The following CFAP206 variants were observed in gnomAD, a reference collection of about 807,000 sequenced individuals.
CFAP206 encodes the protein cilia and flagella associated protein 206.
In CFAP206, 53 loss-of-function variants were observed where a neutral mutation model predicts 65.4. That is an observed-to-expected ratio of 0.81 (90% CI 0.65 to 1.02). The LOEUF (loss-of-function observed/expected upper bound fraction) is 1.02, where lower values mean the gene tolerates loss of function less well. Ranked by LOEUF, CFAP206 falls within the 50% of genes least tolerant of loss-of-function variation. The pLI, the probability that CFAP206 is intolerant of heterozygous loss-of-function variation, is 0.00. For synonymous variants in CFAP206, 250 were observed against 254.4 expected (o/e 0.98, Z 0.17); for missense variants, 663 against 753.2 (o/e 0.88, Z 1.40).
chr6:87,445,300 A>C (rs1465287357), intron 11 of CFAP206: 1 of 200,908 alleles, frequency 5.0e-6, no homozygotes, highest in Non-Finnish European at 9.9e-6. Flanking sequence ...GCCCCTATCA[A>C]CCCATCACCT....
chr6:87,439,617 C>T lies in CFAP206; in HGVS notation c.1494+4564C>T, dbSNP rs574226925. ...TCATGTCTTGTTTAAGAAGTTCTTA[C>T]GTATTTTGAGATCACGAAAATATTC... On this transcript the variant is annotated intron_variant, in intron 11 of 12. Transcript: ENST00000369562. 9.2e-4 allele frequency among the ~76,000 whole-genome samples: 139 copies of T among 151,876 alleles called. 1 individual carries two copies. In the South Asian group the frequency reaches 9.8e-3, roughly 11 times the overall value.
intron 11 of CFAP206, chr6:87,445,115 C>A: frequency 2.3e-6 from 1 of 430,296 alleles, no homozygotes; most frequent in Admixed American, 2.7e-5. Flanking sequence ...CAGTGGCAGC[C>A]ACTTTCTTAT....
chr6:87,415,405 G>A (rs915358231), intron 4 of CFAP206, among the ~76,000 whole-genome samples: 1 of 151,006 alleles, frequency 6.6e-6, no homozygotes, highest in African/African-American at 2.4e-5. Flanking sequence ...TAATTGGGAG[G>A]TTTTAGCCTT....
chr6:87,448,994 A>G (rs56329400), intron 11 of CFAP206, among the ~76,000 whole-genome samples: 38,658 of 151,954 alleles, frequency 0.25, 4,993 homozygotes, highest in African/African-American at 0.27. Flanking sequence ...TTGACATACT[A>G]ATTTCCTTTC....
At chr6:87,434,450 T>C (rs1768215872) in intron 10 of CFAP206, among the ~76,000 whole-genome samples, 1 of 150,020 alleles carries the variant, frequency 6.7e-6, no homozygotes, top group African/African-American at 2.4e-5. Context: ...GGATGAGGAA[T>C]GGCTCTATGG....
chr6:87,417,915 T>A (rs533805627), intron 6 of CFAP206, among the ~76,000 whole-genome samples: 2 of 152,010 alleles, frequency 1.3e-5, no homozygotes, highest in South Asian at 4.2e-4. Flanking sequence ...AATTTTTGTG[T>A]TTTTAGTAGA....
intron 12 of CFAP206, among the ~76,000 whole-genome samples, chr6:87,462,679 G>A (rs1054783811): frequency 1.3e-5 from 2 of 152,188 alleles, no homozygotes; most frequent in Non-Finnish European, 2.9e-5. Flanking sequence ...GGATAGGAGA[G>A]ATAGAGGTGA....
At chr6:87,415,947 T>A in intron 5 of CFAP206, 73 bp downstream of exon 5, 1 of 1,160,544 alleles carries the variant, frequency 8.6e-7, no homozygotes, top group Non-Finnish European at 1.1e-6. Flanking sequence ...ACATGTTAAA[T>A]TAGAAGTGTT....
chr6:87,443,247 G>A (rs1014017877), intron 11 of CFAP206, among the ~76,000 whole-genome samples: 3 of 152,058 alleles, frequency 2.0e-5, no homozygotes, highest in Non-Finnish European at 4.4e-5. Flanking sequence ...TTAAACTTAT[G>A]AAGATTTCAC....
At chr6:87,420,097 A>G (rs1322247122) in intron 7 of CFAP206, among the ~76,000 whole-genome samples, 2 of 152,168 alleles carry the variant, frequency 1.3e-5, no homozygotes, top group African/African-American at 4.8e-5. Flanking sequence ...AAATAAATAA[A>G]TAATAATAAA....
intron 11 of CFAP206, among the ~76,000 whole-genome samples, chr6:87,448,611 A>G (rs1768487521): frequency 6.6e-6 from 1 of 151,940 alleles, no homozygotes; most frequent in Admixed American, 6.6e-5. Context: ...TATTCCTCCT[A>G]TCTAACTGTA....
At chr6:87,453,819 GAAGA>G (rs556086344) in intron 11 of CFAP206, among the ~76,000 whole-genome samples, 3 of 151,938 alleles carry the variant, frequency 2.0e-5, no homozygotes, top group South Asian at 2.1e-4. Context: ...AGGAAGGAAG[GAAGA>G]AAGAGAAGAC....
At chr6:87,440,815 G>C (rs556129620) in intron 11 of CFAP206, among the ~76,000 whole-genome samples, 8 of 152,256 alleles carry the variant, frequency 5.3e-5, no homozygotes, top group Non-Finnish European at 1.2e-4. Context: ...GGGAATTTTG[G>C]GTGGTACTTG....
chr6:87,412,017 GA>G (rs1367708868), intron 3 of CFAP206, among the ~76,000 whole-genome samples: 1 of 152,190 alleles, frequency 6.6e-6, no homozygotes, highest in Non-Finnish European at 1.5e-5. Flanking sequence ...CCGTGGAAGA[GA>G]ATCCAGGAGG....
intron 6 of CFAP206, 36 bp downstream of exon 6, chr6:87,416,863 T>C: frequency 6.4e-7 from 1 of 1,560,562 alleles, no homozygotes; most frequent in Non-Finnish European, 8.7e-7. Flanking sequence ...AAAGGTTATG[T>C]ATGTTTAAAA....
chr6:87,440,317 A>G (rs1260937860), intron 11 of CFAP206, among the ~76,000 whole-genome samples: 1 of 152,206 alleles, frequency 6.6e-6, no homozygotes, highest in Non-Finnish European at 1.5e-5. Context: ...TATATTCAGC[A>G]ACCTTAATAA....
rs188118753 is a variant in CFAP206, at chr6:87,417,817, G to A, written c.632-391G>A. The stretch of plus-strand genomic sequence containing the variant: ...GTCGCCCAGATTGGAGTGCAGTGGC[G>A]CGATCTCGGCTTACTGCAACCTCCG... On this transcript the variant is annotated intron_variant, in intron 6 of 12. Transcript: ENST00000369562. Among the ~76,000 whole-genome samples the A allele has an allele frequency of 3.4e-4, 50 of 149,170 alleles. No individual in the cohort carries two copies. The East Asian group carries it at 8.1e-3, about 24-fold the overall frequency.
chr6:87,428,164 T>C (rs936887727), intron 8 of CFAP206, among the ~76,000 whole-genome samples: 9 of 152,002 alleles, frequency 5.9e-5, no homozygotes, highest in Admixed American at 1.3e-4. Flanking sequence ...ATTTTTGTAT[T>C]TTTAGTAGAG....
chr6:87,428,787 T>C lies in CFAP206; in HGVS notation c.1122T>C (p.Thr374=), dbSNP rs1768102473. Residue 374 remains threonine (T), a synonymous_variant, in exon 9 of 13, where the codon ACT becomes ACC. Coordinates refer to ENST00000369562, the MANE Select transcript of CFAP206 (RefSeq NM_001031743.3). ...RVMQCHLNGA[T]VKTDVCRMKE... is the part of the protein sequence containing the mutation. ...TGCAATGTCATCTTAATGGAGCGAC[T>C]GTGAAAACTGATGTGTGTAGAATGA... 3 of 1,614,180 alleles carry C rather than the reference T, an allele frequency of 1.9e-6. No homozygotes were observed. Among genetic ancestry groups the C allele is most frequent in the Non-Finnish European group, 2.5e-6 (3 of 1,180,018 alleles).
Sources: allele counts gnomAD v4.1 joint callset (sites outside exome capture counted in the v4.1 genomes callset), GRCh38; gene constraint gnomAD v4.1.1; transcripts MANE v1.5; gene names NCBI Gene and HGNC (gene_info 2026-07-23, HGNC 2026-07-21).